AKAP19: variants seen among roughly 807,000 people sequenced by gnomAD.
AKAP19 encodes A-kinase anchoring protein 19.
chr2:190,148,966 T>A, the AKAP19 span, among the ~76,000 whole-genome samples: 1 of 135,878 alleles, frequency 7.4e-6, no homozygotes, highest in Non-Finnish European at 1.6e-5. Flanking sequence ...TTTTTTTTTT[T>A]TTTTTTTTTT....
chr2:190,049,062 ACAT>A, the AKAP19 span, among the ~76,000 whole-genome samples: 1 of 152,176 alleles, frequency 6.6e-6, no homozygotes, highest in Non-Finnish European at 1.5e-5. Flanking sequence ...AAAGTATGTG[ACAT>A]CATACAAATA....
At chr2:189,976,966 T>A in the AKAP19 span, among the ~76,000 whole-genome samples, 1 of 152,118 alleles carries the variant, frequency 6.6e-6, no homozygotes, top group Non-Finnish European at 1.5e-5. Flanking sequence ...TCACACTCGG[T>A]GGGCTGCACC....
At chr2:190,194,971 C>G in the AKAP19 span, among the ~76,000 whole-genome samples, 3 of 152,078 alleles carry the variant, frequency 2.0e-5, no homozygotes, top group Non-Finnish European at 4.4e-5. Flanking sequence ...CAAGTGACCT[C>G]GGCTTCCTGA....
the AKAP19 span, chr2:190,137,888 T>C: frequency 6.6e-6 from 1 of 152,330 alleles, no homozygotes; most frequent in African/African-American, 2.4e-5. Context: ...CAGTACTAAA[T>C]ATTTTGCTTT....
At chr2:190,152,934 C>T in the AKAP19 span, among the ~76,000 whole-genome samples, 2 of 146,810 alleles carry the variant, frequency 1.4e-5, no homozygotes, top group Non-Finnish European at 3.0e-5. Flanking sequence ...CTCACTCTGT[C>T]GCCTAGGCTG....
the AKAP19 span, among the ~76,000 whole-genome samples, chr2:190,192,031 CTT>C: frequency 2.0e-5 from 3 of 151,506 alleles, no homozygotes; most frequent in African/African-American, 7.3e-5. Context: ...TCTAAGAACT[CTT>C]TTCCTAACCC....
chr2:190,198,651 A>AT, the AKAP19 span, among the ~76,000 whole-genome samples: 1 of 150,670 alleles, frequency 6.6e-6, no homozygotes, highest in African/African-American at 2.5e-5. Context: ...AAAAAAAAAA[A>AT]AAAAGGTGTT....
At chr2:190,012,000 G>A in the AKAP19 span, among the ~76,000 whole-genome samples, 14 of 151,826 alleles carry the variant, frequency 9.2e-5, no homozygotes, top group African/African-American at 3.1e-4. Flanking sequence ...TAGGGATTAC[G>A]TTTAATCTGT....
the AKAP19 span, chr2:189,879,859 GT>G: frequency 6.6e-6 from 1 of 152,264 alleles, no homozygotes; most frequent in Non-Finnish European, 1.5e-5. Context: ...TTACACCCAA[GT>G]ATGTTGCTTA....
chr2:189,986,253 G>C, the AKAP19 span, among the ~76,000 whole-genome samples: 14 of 152,028 alleles, frequency 9.2e-5, no homozygotes, highest in African/African-American at 3.1e-4. Flanking sequence ...TGTGACCTTC[G>C]CTTTTTTTGC....
the AKAP19 span, among the ~76,000 whole-genome samples, chr2:189,979,600 A>T: frequency 1.3e-5 from 2 of 152,100 alleles, no homozygotes; most frequent in South Asian, 2.1e-4. Flanking sequence ...AAACTAAGGC[A>T]TCTCTGTATA....
the AKAP19 span, among the ~76,000 whole-genome samples, chr2:190,023,795 G>GTATA: frequency 0.013 from 1,807 of 142,786 alleles, 83 homozygotes; most frequent in East Asian, 0.15. Context: ...ATGTGTGTGT[G>GTATA]TATATATATA....
At chr2:190,109,400 C>A in the AKAP19 span, among the ~76,000 whole-genome samples, 2 of 152,012 alleles carry the variant, frequency 1.3e-5, no homozygotes, top group African/African-American at 4.8e-5. Context: ...CACACAGACA[C>A]CTTCCTAATC....
chr2:190,100,027 C>T, the AKAP19 span, among the ~76,000 whole-genome samples: 1 of 152,172 alleles, frequency 6.6e-6, no homozygotes, highest in East Asian at 1.9e-4. Flanking sequence ...AGGCCTTAAA[C>T]ACTGGAGTTG....
the AKAP19 span, among the ~76,000 whole-genome samples, chr2:189,982,211 T>C: frequency 1.3e-5 from 2 of 148,916 alleles, no homozygotes; most frequent in African/African-American, 5.2e-5. Context: ...TTTTTAAAAA[T>C]TATTTTTCCT....
At chr2:189,975,631 A>G in the AKAP19 span, among the ~76,000 whole-genome samples, 1 of 152,058 alleles carries the variant, frequency 6.6e-6, no homozygotes, top group East Asian at 1.9e-4. Context: ...TCAGGTGTAG[A>G]TTTGGTCTTT....
chr2:190,051,407 G>A, the AKAP19 span, among the ~76,000 whole-genome samples: 2 of 152,172 alleles, frequency 1.3e-5, no homozygotes, highest in Admixed American at 6.5e-5. Flanking sequence ...ACTGCCCTGA[G>A]ATGACACTGC....
the AKAP19 span, among the ~76,000 whole-genome samples, chr2:190,136,002 A>C: frequency 6.6e-6 from 1 of 152,196 alleles, no homozygotes; most frequent in Admixed American, 6.5e-5. Flanking sequence ...CAAAAGCATT[A>C]GGGGCATTCC....
the AKAP19 span, among the ~76,000 whole-genome samples, chr2:190,143,132 G>T: frequency 1.3e-5 from 2 of 151,958 alleles, no homozygotes; most frequent in South Asian, 4.2e-4. Flanking sequence ...GTGCCATTTT[G>T]GGTCCAGTCA....
Sources: allele counts gnomAD v4.1 joint callset (sites outside exome capture counted in the v4.1 genomes callset), GRCh38; gene constraint gnomAD v4.1.1; transcripts MANE v1.5; gene names NCBI Gene and HGNC (gene_info 2026-07-23, HGNC 2026-07-21).